ASTN2: variants seen among roughly 807,000 people sequenced by gnomAD.
ASTN2 encodes astrotactin 2, also known as astrotactin-2.
ASTN2 carries 54 observed loss-of-function variants against 139.8 expected under a neutral mutation model. The ratio of observed to expected loss-of-function variants is 0.39; its 90% CI spans 0.31 to 0.48. The LOEUF (loss-of-function observed/expected upper bound fraction) is 0.48. Ranked by LOEUF, ASTN2 falls within the 20% of genes least tolerant of loss-of-function variation. The pLI, the probability that ASTN2 is intolerant of heterozygous loss-of-function variation, is 0.95. For synonymous variants in ASTN2, 756 were observed against 719.5 expected (o/e 1.05, Z -0.81); for missense variants, 1,565 against 1,725.1 (o/e 0.91, Z 1.64).
At chr9:117,225,535 G>GTATGTATA (rs369914209) in intron 2 of ASTN2, among the ~76,000 whole-genome samples, 100 of 63,900 alleles carry the variant, frequency 1.6e-3, no homozygotes, top group African/African-American at 4.1e-3. Flanking sequence ...CAAGCTGTAT[G>GTATGTATA]TATATATATA....
intron 20 of ASTN2, among the ~76,000 whole-genome samples, chr9:116,462,475 C>A (rs1207956803): frequency 6.6e-6 from 1 of 152,154 alleles, no homozygotes; most frequent in Non-Finnish European, 1.5e-5. Context: ...AATAATAATC[C>A]TGTATTCTTC....
intron 17 of ASTN2, among the ~76,000 whole-genome samples, chr9:116,621,218 C>T (rs1347401394): frequency 6.6e-6 from 1 of 152,146 alleles, no homozygotes; most frequent in Non-Finnish European, 1.5e-5. Flanking sequence ...TTACTTAACA[C>T]TGCCTTTGTA....
chr9:117,333,319 G>A (rs911852363), intron 1 of ASTN2, among the ~76,000 whole-genome samples: 4 of 152,106 alleles, frequency 2.6e-5, no homozygotes, highest in Admixed American at 2.6e-4. Flanking sequence ...GAAATTGAGG[G>A]CCAGAGAGGA....
At chr9:116,482,893 C>T (rs777325110) in intron 20 of ASTN2, among the ~76,000 whole-genome samples, 5 of 152,190 alleles carry the variant, frequency 3.3e-5, no homozygotes, top group East Asian at 3.9e-4. Context: ...GGAATGCATC[C>T]CCCACCCCAG....
chr9:117,260,055 C>A (rs1416036318), intron 2 of ASTN2, among the ~76,000 whole-genome samples: 1 of 152,128 alleles, frequency 6.6e-6, no homozygotes, highest in Admixed American at 6.6e-5. Context: ...CCCTTACTGG[C>A]CCTGTCATCT....
At position 116,671,848 on chromosome 9, in the gene ASTN2, C is replaced by A. The variant is rs566223467; in HGVS notation, c.2807-20055G>T. Among the ~76,000 whole-genome samples, 17 of 152,254 alleles carry A rather than the reference C, an allele frequency of 1.1e-4. No homozygotes were observed. In the East Asian group the frequency reaches 3.3e-3, roughly 29 times the overall value. ...ATATATGTCATCTTGAAAATGGCTA[C>A]TTCCCCATTTCAGCCTTCAGATGAG... On this transcript the variant is annotated intron_variant, in intron 16 of 22. Transcript: ENST00000313400.
At chr9:117,060,994 T>C (rs1257892561) in intron 5 of ASTN2, among the ~76,000 whole-genome samples, 5 of 152,092 alleles carry the variant, frequency 3.3e-5, no homozygotes, top group African/African-American at 1.2e-4. Flanking sequence ...ATCAGGTTTT[T>C]TGTTTTGTTT....
chr9:116,549,653 G>A (rs934948619), intron 19 of ASTN2, among the ~76,000 whole-genome samples: 1 of 152,172 alleles, frequency 6.6e-6, no homozygotes, highest in African/African-American at 2.4e-5. Context: ...TTAGGTGTAG[G>A]AAACAAATGG....
chr9:116,809,487 G>C (rs1831110333), intron 12 of ASTN2, among the ~76,000 whole-genome samples: 1 of 151,976 alleles, frequency 6.6e-6, no homozygotes, highest in Non-Finnish European at 1.5e-5. Context: ...TTTATAGCCT[G>C]TTTTGGATAT....
intron 3 of ASTN2, among the ~76,000 whole-genome samples, chr9:117,208,398 G>C (rs2133008139): frequency 6.6e-6 from 1 of 150,712 alleles, no homozygotes; most frequent in South Asian, 2.1e-4. Context: ...ATAGACTAGG[G>C]CAAGCAGAAA....
intron 2 of ASTN2, among the ~76,000 whole-genome samples, chr9:117,287,872 CTTTTCTCCACTCTTTTCAATAAT>C (rs1418071617): frequency 6.6e-6 from 1 of 152,128 alleles, no homozygotes; most frequent in Non-Finnish European, 1.5e-5. Flanking sequence ...TTTTTCCACT[CTTTTCTCCACTCTTTTCAATAAT>C]TTTTCTCCAC....
intron 3 of ASTN2, among the ~76,000 whole-genome samples, chr9:117,178,321 A>G (rs1016481907): frequency 4.6e-5 from 7 of 152,216 alleles, no homozygotes; most frequent in African/African-American, 9.6e-5. Flanking sequence ...AAAGGCACCC[A>G]GCAGAGAACA....
At chr9:116,477,861 GAAAAA>G (rs869258300) in intron 20 of ASTN2, among the ~76,000 whole-genome samples, 1 of 26,018 alleles carries the variant, frequency 3.8e-5, no homozygotes, top group East Asian at 1.6e-3. Context: ...AATCAAAAAA[GAAAAA>G]AAAAAAAAAT....
chr9:117,333,085 C>G (rs1199470735), intron 1 of ASTN2, among the ~76,000 whole-genome samples: 4 of 152,098 alleles, frequency 2.6e-5, no homozygotes, highest in African/African-American at 9.7e-5. Flanking sequence ...TGTGAATATA[C>G]TAAAATCCAT....
intron 19 of ASTN2, chr9:116,546,429 C>T (rs1180095206): frequency 1.3e-5 from 2 of 152,120 alleles, no homozygotes; most frequent in Non-Finnish European, 1.5e-5. Flanking sequence ...TGTTGAACAA[C>T]TGATAAGTAG....
intron 19 of ASTN2, among the ~76,000 whole-genome samples, chr9:116,615,280 A>C (rs935428247): frequency 1.4e-4 from 21 of 152,276 alleles, no homozygotes; most frequent in Admixed American, 6.5e-4. Flanking sequence ...GTTGGTGGGA[A>C]CGTAAACTAG....
chr9:117,235,805 C>T (rs1833028369), intron 2 of ASTN2, among the ~76,000 whole-genome samples: 1 of 152,054 alleles, frequency 6.6e-6, no homozygotes, highest in South Asian at 2.1e-4. Flanking sequence ...TATAGGCAAC[C>T]CTTTAAATTC....
At chr9:116,579,968 C>T (rs906771142) in intron 19 of ASTN2, among the ~76,000 whole-genome samples, 7 of 152,088 alleles carry the variant, frequency 4.6e-5, no homozygotes, top group Middle Eastern at 3.2e-3. Flanking sequence ...ATTACAGGCA[C>T]GTGCCACCAC....
At chr9:116,731,122 C>T (rs1828765746) in intron 14 of ASTN2, among the ~76,000 whole-genome samples, 1 of 151,536 alleles carries the variant, frequency 6.6e-6, no homozygotes, top group Admixed American at 6.6e-5. Flanking sequence ...CTCAGCTCCC[C>T]ACCTGGGGAT....
Sources: gnomAD v4.1 joint callset for allele counts (sites outside exome capture counted in the v4.1 genomes callset) on GRCh38, gnomAD v4.1.1 for gene constraint, MANE v1.5 for transcripts, NCBI Gene and HGNC (gene_info 2026-07-23, HGNC 2026-07-21) for gene names.